Variants in IL17RE observed in about 807,000 individuals in gnomAD.
The protein encoded by IL17RE is interleukin 17 receptor E, also known as interleukin-17 receptor E.
Under a neutral mutation model 70.7 loss-of-function variants are expected in IL17RE, and 47 were observed. The ratio of observed to expected loss-of-function variants is 0.67; its 90% CI spans 0.53 to 0.85. IL17RE has a LOEUF of 0.85. Among genes scored for constraint, IL17RE ranks in the 40% least tolerant of loss-of-function variants. The pLI is 0.00. For synonymous variants in IL17RE, 372 were observed against 381.2 expected, an observed-to-expected ratio of 0.98 and a Z score of 0.28; for missense variants, 850 against 893.9, an observed-to-expected ratio of 0.95 and a Z score of 0.63.
chr3:9,915,577 G>T lies in IL17RE; in HGVS notation c.1774G>T (p.Ala592Ser). The change falls in exon 16 of 16, where the codon GCT becomes TCT. Residue 592 changes from alanine (A) to serine (S), a missense_variant. By Grantham distance (99) the Ala-to-Ser change is moderately conservative. Coordinates refer to ENST00000383814, the MANE Select transcript of IL17RE (RefSeq NM_153480.2). This position sits in a 1 kb window ranked among gnomAD's most constrained non-coding sequence, Gnocchi z 4.9. ...HAAPRPLLLL[A>S]YFSRLCAKGD... ...TGCCCCGCGCCCGCTGCTGCTGCTC[G>T]CTTACTTCAGTCGCCTCTGCGCCAA... The T allele has an allele frequency of 7.0e-7, 1 of 1,419,156 alleles. No individual in the cohort carries two copies. The highest frequency in any genetic ancestry group is 1.4e-5 in the South Asian group (1 of 69,618). The allele number at this position is 1,419,156 out of a possible 1,614,324, so 87.9% of individuals were successfully genotyped here. A position where few individuals can be genotyped will look rare whatever the true frequency, so the allele number is the denominator to read the frequency against.
chr3:9,913,142 C>A (rs279568), intron 12 of IL17RE, among the ~76,000 whole-genome samples: 72,438 of 152,026 alleles, frequency 0.48, 18,055 homozygotes, highest in Middle Eastern at 0.56. Flanking sequence ...CAGTGGCTCA[C>A]GCCTGTAATT....
At chr3:9,909,144 AATG>A in intron 7 of IL17RE, 70 bp from the exon 8 acceptor site, 1 of 1,291,660 alleles carries the variant, frequency 7.7e-7, no homozygotes, top group South Asian at 1.2e-5. Context: ...GTAAAGCCAG[AATG>A]AGTTTTAGGT....
intron 8 of IL17RE, among the ~76,000 whole-genome samples, chr3:9,910,593 G>A (rs956148354): frequency 1.1e-4 from 17 of 152,030 alleles, no homozygotes; most frequent in African/African-American, 4.1e-4. Context: ...ACTGAGGCAT[G>A]AGAATCGCTT....
At chr3:9,909,092 G>C (rs768127109) in intron 7 of IL17RE, 125 bp from the exon 8 acceptor site, 31 of 679,478 alleles carry the variant, frequency 4.6e-5, no homozygotes, top group Admixed American at 4.9e-5. Context: ...CCTCCTGCTC[G>C]GTCAGTGCCT....
chr3:9,914,603 A>C lies in IL17RE; in HGVS notation c.1348+4A>C. 3 of 1,613,724 alleles carry C rather than the reference A, an allele frequency of 1.9e-6. No homozygotes were observed. The highest frequency in any genetic ancestry group is 2.5e-6 in the Non-Finnish European group (3 of 1,179,750). ...AAGCACCTCTTGTGTCCGGATGGTG[A>C]GTTCTTGGGGAGGGGGAGGTAAGAG... On this transcript the variant is annotated splice_donor_region_variant and intron_variant, in intron 14 of 15. Coordinates refer to ENST00000383814, the MANE Select transcript of IL17RE (RefSeq NM_153480.2).
intron 12 of IL17RE, 38 bp from the exon 13 acceptor site, chr3:9,913,918 C>G: frequency 6.4e-7 from 1 of 1,562,888 alleles, no homozygotes; most frequent in South Asian, 1.1e-5. Flanking sequence ...CCAGATTCAC[C>G]TCCCTGGGGA....
intron 13 of IL17RE, 119 bp downstream of exon 13, chr3:9,914,143 A>G (rs2082956719): frequency 2.4e-6 from 2 of 847,074 alleles, no homozygotes; most frequent in African/African-American, 3.4e-5. Context: ...AGTGTTTTAA[A>G]TTGAAATTGC....
intron 12 of IL17RE, chr3:9,911,824 CAG>C (rs2082901887): frequency 2.3e-6 from 1 of 435,780 alleles, no homozygotes; most frequent in Non-Finnish European, 4.1e-6. Flanking sequence ...TTTTTTGAGA[CAG>C]AGTCTCGCTC....
Position 9,904,056 on chromosome 3 carries a change from G to T in IL17RE, c.173G>T (p.Arg58Leu). 1 of 1,614,078 alleles carries T rather than the reference G, an allele frequency of 6.2e-7. No homozygotes were observed. The highest frequency in any genetic ancestry group is 8.5e-7 in the Non-Finnish European group (1 of 1,179,998). The part of the protein sequence containing the change: ...FTGSSAYIPC[R>L]TWWALFSTKP... The stretch of plus-strand genomic sequence containing the variant: ...GGAAGTTCTGCCTATATCCCTTGCC[G>T]CACCTGGTGGGCCCTCTTCTCCACA... Residue 58 changes from arginine (R) to leucine (L), a missense_variant, in exon 3 of 16, where the codon CGC (arginine) becomes CTC (leucine). Arg to Leu is a moderately radical substitution (Grantham distance 102). Coordinates refer to ENST00000383814, the MANE Select transcript of IL17RE (RefSeq NM_153480.2).
chr3:9,909,398 G>A (rs1266213494), intron 8 of IL17RE, 115 bp downstream of exon 8: 7 of 987,774 alleles, frequency 7.1e-6, no homozygotes, highest in East Asian at 2.6e-5. Flanking sequence ...CATGTGCTGG[G>A]GGAAGTCCCC....
chr3:9,914,153 C>A (rs2082956967), intron 13 of IL17RE, 129 bp downstream of exon 13: 4 of 795,160 alleles, frequency 5.0e-6, no homozygotes, highest in Non-Finnish European at 6.3e-6. Flanking sequence ...ATTGAAATTG[C>A]TTACCACCAT....
rs760121699 is a variant in IL17RE at position 9,906,873 on chromosome 3, C to A, written c.526+8C>A. 9 of 1,614,024 alleles carry A rather than the reference C, an allele frequency of 5.6e-6. No individual in the cohort carries two copies. In the Admixed American group the frequency reaches 8.3e-5, roughly 15 times the overall value. ...ACTCACAAAGGCATGGAGGTGGGCA[C>A]TGGGTACAACAGGAGATGGGTTCAG... On this transcript the variant is annotated splice_region_variant and intron_variant, in intron 5 of 15. Coordinates refer to ENST00000383814, the MANE Select transcript of IL17RE (RefSeq NM_153480.2).
Position 9,915,451 on chromosome 3 carries a change from C to T in IL17RE, c.1648C>T (p.Arg550Trp). 2 of 1,351,066 alleles carry T rather than the reference C, an allele frequency of 1.5e-6. No individual in the cohort carries two copies. Among genetic ancestry groups the T allele is most frequent in the Non-Finnish European group, 9.4e-7 (1 of 1,059,922 alleles). The allele number at this position is 1,351,066 out of a possible 1,614,324, so 83.7% of individuals were successfully genotyped here. The change falls in exon 16 of 16, where the codon CGG becomes TGG. Residue 550 changes from arginine to tryptophan, a missense_variant. Coordinates refer to ENST00000383814, the MANE Select transcript of IL17RE (RefSeq NM_153480.2). The surrounding 1 kb of genome is among the most constrained non-coding windows in gnomAD (Gnocchi z 4.9). ...CTGGGCGGCGCGGACGCGCGTAGCG[C>T]GGGAGCAGGGCACTGTGCTGCTGCT... ...WLWAARTRVA[R>W]EQGTVLLLWS...
rs779171191 is a variant in IL17RE at position 9,911,012 on chromosome 3, C to T, written c.950C>T (p.Pro317Leu). 15 of 1,614,026 alleles carry T rather than the reference C, an allele frequency of 9.3e-6. No homozygotes were observed. The highest frequency in any genetic ancestry group is 3.3e-5 in the Admixed American group (2 of 59,994). Residue 317 changes from proline to leucine, a missense_variant, in exon 9 of 16, where the codon CCG becomes CTG. By Grantham distance (98) the Pro-to-Leu change is moderately conservative. Transcript: ENST00000383814. ...TGGCATACCCTTTGCAAAGACCTCC[C>T]GAATGCCACAGCTCGAGAGTCAGAT... ...HDWHTLCKDLPNATARESDGW... is the reference protein window; with the variant it reads ...HDWHTLCKDLLNATARESDGW...
chr3:9,903,434 A>G (rs1268638316), intron 2 of IL17RE, 22 bp downstream of exon 2: 2 of 1,613,536 alleles, frequency 1.2e-6, no homozygotes, highest in South Asian at 2.2e-5. Flanking sequence ...TTCCTGCCCC[A>G]TTGCTCCTCC....
rs936344339 is a variant in IL17RE at position 9,906,756 on chromosome 3, C to T, written c.417C>T (p.Ser139=). The change falls in exon 5 of 16, where the codon TCC becomes TCT. Residue 139 remains serine (S), a synonymous_variant. Coordinates refer to ENST00000383814, the MANE Select transcript of IL17RE (RefSeq NM_153480.2). ...RHLSEKSHHI[S]IPSPDISHKG... ...TGTCTGAGAAGAGCCATCACATTTC[C>T]ATCCCCTCCCCAGACATCTCCCACA... 5.0e-6 allele frequency: 8 copies of T among 1,614,152 alleles called. No individual in the cohort carries two copies. Among genetic ancestry groups the T allele is most frequent in the Non-Finnish European group, 5.9e-6 (7 of 1,180,018 alleles).
chr3:9,902,740 C>G (rs1286635770), upstream of IL17RE: 2 of 1,534,366 alleles, frequency 1.3e-6, no homozygotes. Context: ...CTCAGTCCCT[C>G]CACTTGGAGG....
chr3:9,914,480 T>C (rs759845900), intron 13 of IL17RE, 68 bp from the exon 14 acceptor site: 2 of 1,601,088 alleles, frequency 1.2e-6, no homozygotes, highest in Non-Finnish European at 1.7e-6. Context: ...CCCAGCTCCA[T>C]GCTTCACTCA....
In IL17RE at chr3:9,915,344, C is replaced by G; in HGVS notation, c.1541C>G (p.Ala514Gly). The G allele has an allele frequency of 7.3e-7, 1 of 1,373,752 alleles. No individual in the cohort carries two copies. The highest frequency in any genetic ancestry group is 9.3e-7 in the Non-Finnish European group (1 of 1,073,114). The allele number at this position is 1,373,752 out of a possible 1,614,324, so 85.1% of individuals were successfully genotyped here. ...LVGALAELLR[A>G]ALGGGRDVIV... The stretch of plus-strand genomic sequence containing the variant: ...GGAGCGCTGGCTGAACTGCTACGGG[C>G]AGCGCTGGGCGGCGGGCGCGACGTG... Residue 514 changes from alanine to glycine, a missense_variant, in exon 16 of 16, where the codon GCA becomes GGA. Ala to Gly is a moderately conservative substitution (Grantham distance 60, BLOSUM62 0). Coordinates refer to ENST00000383814, the MANE Select transcript of IL17RE (RefSeq NM_153480.2). The surrounding 1 kb of genome is among the most constrained non-coding windows in gnomAD (Gnocchi z 4.9).
Sources: gnomAD v4.1 joint callset for allele counts (sites outside exome capture counted in the v4.1 genomes callset) on GRCh38, gnomAD v4.1.1 for gene constraint, Gnocchi (gnomAD v3.1) non-coding constraint, MANE v1.5 for transcripts, NCBI Gene and HGNC (gene_info 2026-07-23, HGNC 2026-07-21) for gene names.